Variants in MB21D2 observed in about 807,000 individuals in gnomAD.
MB21D2 encodes the protein Mab-21 domain containing 2.
MB21D2 carries 9 observed loss-of-function variants against 33.3 expected under a neutral mutation model. The ratio of observed to expected loss-of-function variants is 0.27; its 90% CI spans 0.16 to 0.47. The LOEUF is 0.47. Among genes scored for constraint, MB21D2 ranks in the 20% least tolerant of loss-of-function variants. The pLI is 0.99. For missense variants in MB21D2, 540 were observed against 624.6 expected (o/e 0.86, Z 1.44); for synonymous variants, 241 against 236.3 (o/e 1.02, Z -0.18).
At chr3:192,815,134 G>A (rs1711892436) in intron 1 of MB21D2, among the ~76,000 whole-genome samples, 1 of 152,134 alleles carries the variant, frequency 6.6e-6, no homozygotes, top group Non-Finnish European at 1.5e-5. Context: ...GCTAAGTCTT[G>A]GTCTCCAGAG....
At chr3:192,858,293 C>G (rs1300243325) in intron 1 of MB21D2, among the ~76,000 whole-genome samples, 1 of 152,188 alleles carries the variant, frequency 6.6e-6, no homozygotes, top group African/African-American at 2.4e-5. Flanking sequence ...CCAGCTATCT[C>G]CTGCCCCTCA....
intron 1 of MB21D2, among the ~76,000 whole-genome samples, chr3:192,848,253 G>T (rs536456790): frequency 2.0e-5 from 3 of 152,266 alleles, no homozygotes; most frequent in African/African-American, 7.2e-5. Context: ...TGCCTACTCT[G>T]CTTTTTAATT....
intron 1 of MB21D2, among the ~76,000 whole-genome samples, chr3:192,885,563 A>G (rs1209186341): frequency 6.6e-6 from 1 of 152,100 alleles, no homozygotes. Flanking sequence ...TAAACACACA[A>G]CAGTCCTCTA....
At chr3:192,850,054 G>C (rs999334599) in intron 1 of MB21D2, among the ~76,000 whole-genome samples, 7 of 151,986 alleles carry the variant, frequency 4.6e-5, no homozygotes, top group African/African-American at 1.7e-4. Context: ...GAGTAGCTGG[G>C]ACTACTGGCG....
intron 1 of MB21D2, among the ~76,000 whole-genome samples, chr3:192,840,870 G>A (rs982399827): frequency 1.4e-4 from 21 of 152,196 alleles, no homozygotes; most frequent in African/African-American, 4.8e-4. Flanking sequence ...ATCATTGGGA[G>A]CTTCCAAGTT....
At chr3:192,857,455 A>G (rs963153452) in intron 1 of MB21D2, among the ~76,000 whole-genome samples, 1 of 152,234 alleles carries the variant, frequency 6.6e-6, no homozygotes, top group Non-Finnish European at 1.5e-5. Flanking sequence ...ATTTCTAAAC[A>G]GGCATCTCCA....
At position 192,853,648 on chromosome 3, in the gene MB21D2, G is replaced by GT. The variant is rs75204492; in HGVS notation, c.212-53999dup. On this transcript the variant is annotated intron_variant, in intron 1 of 1. Transcript: ENST00000392452. ...ACATTTCTGGTGTTTTTGGTGTTTT[G>GT]TTTTTTTTTTTATTCTCAAAAGACT... Among the ~76,000 whole-genome samples the GT allele has an allele frequency of 2.9e-3, 416 of 145,852 alleles. 1 individual carries two copies. Among genetic ancestry groups the GT allele is most frequent in the Middle Eastern group, 3.5e-3 (1 of 286 alleles).
intron 1 of MB21D2, among the ~76,000 whole-genome samples, chr3:192,894,189 C>T (rs566077118): frequency 1.7e-3 from 252 of 152,010 alleles, no homozygotes; most frequent in Non-Finnish European, 2.6e-3. Context: ...AGTGCAGTGG[C>T]GCAATCTGGA....
At chr3:192,803,358 C>T (rs759328262) in intron 1 of MB21D2, among the ~76,000 whole-genome samples, 11 of 152,108 alleles carry the variant, frequency 7.2e-5, no homozygotes, top group Non-Finnish European at 1.5e-4. Flanking sequence ...TTGAACACTT[C>T]TTATTCCTTT....
rs1302288432 is a variant in MB21D2 at position 192,877,037 on chromosome 3, G to A, written c.211+40593C>T. The stretch of plus-strand genomic sequence containing the variant: ...AGTGAGTAATTAATACAGGCTTATG[G>A]GTGGAATGTATGAAAGAGAAGGAGA... On this transcript the variant is annotated intron_variant, in intron 1 of 1. Transcript: ENST00000392452. 1.3e-5 allele frequency among the ~76,000 whole-genome samples: 2 copies of A among 152,114 alleles called. 1 individual carries two copies. Among genetic ancestry groups the A allele is most frequent in the Non-Finnish European group, 2.9e-5 (2 of 68,028 alleles).
chr3:192,835,757 A>C (rs1312036201), intron 1 of MB21D2, among the ~76,000 whole-genome samples: 12 of 152,032 alleles, frequency 7.9e-5, no homozygotes. Context: ...AACTCTGCCA[A>C]CTTACAGATT....
chr3:192,827,491 G>A (rs1202236716), intron 1 of MB21D2, among the ~76,000 whole-genome samples: 1 of 152,084 alleles, frequency 6.6e-6, no homozygotes, highest in Non-Finnish European at 1.5e-5. Context: ...GAAGTCTATT[G>A]AAGCTGGAGA....
intron 1 of MB21D2, among the ~76,000 whole-genome samples, chr3:192,820,195 C>A (rs1050599208): frequency 6.6e-6 from 1 of 151,970 alleles, no homozygotes; most frequent in Non-Finnish European, 1.5e-5. Flanking sequence ...AAAGTACACA[C>A]CCCCCAGAAA....
intron 1 of MB21D2, among the ~76,000 whole-genome samples, chr3:192,826,992 C>T (rs1712186701): frequency 6.6e-6 from 1 of 151,778 alleles, no homozygotes; most frequent in Non-Finnish European, 1.5e-5. Context: ...CCCAGGTTCA[C>T]ACCATTCTCC....
At position 192,917,727 on chromosome 3, in the gene MB21D2, T is replaced by C. The variant is rs780554816; in HGVS notation, c.114A>G (p.Lys38=). Residue 38 remains lysine (K), a synonymous_variant, in exon 1 of 2, where the codon AAA becomes AAG. Transcript: ENST00000392452. ...CGTGCTTCGTAAATTCTTGGATGAG[T>C]TTGTTCAATTCCTCCACCCGAGCTC... ...RSGARVEELN[K]LIQEFTKHDQ... is the part of the protein sequence containing the mutation. 2 of 1,613,990 alleles carry C rather than the reference T, an allele frequency of 1.2e-6. No homozygotes were observed. The highest frequency in any genetic ancestry group is 1.1e-5 in the South Asian group (1 of 91,062).
At chr3:192,916,499 A>C (rs565232506) in intron 1 of MB21D2, among the ~76,000 whole-genome samples, 1 of 152,266 alleles carries the variant, frequency 6.6e-6, no homozygotes, top group African/African-American at 2.4e-5. Context: ...TGGCTTATCT[A>C]TTTGTAGAGA....
intron 1 of MB21D2, among the ~76,000 whole-genome samples, chr3:192,901,118 G>A (rs1162587969): frequency 2.0e-5 from 3 of 152,092 alleles, no homozygotes; most frequent in African/African-American, 7.2e-5. Flanking sequence ...TGGAGCCAGG[G>A]TTGGTTGGTC....
intron 1 of MB21D2, among the ~76,000 whole-genome samples, chr3:192,829,468 C>CTTGTACCATTCT (rs1447816672): frequency 1.3e-5 from 2 of 152,136 alleles, no homozygotes; most frequent in African/African-American, 4.8e-5. Context: ...TTAAAAAATG[C>CTTGTACCATTCT]TTGTACCATT....
At chr3:192,844,145 C>A (rs1298534909) in intron 1 of MB21D2, among the ~76,000 whole-genome samples, 1 of 152,246 alleles carries the variant, frequency 6.6e-6, no homozygotes, top group Non-Finnish European at 1.5e-5. Context: ...GGTGCCGCAG[C>A]CTCGCCAGCC....
Sources: gnomAD v4.1 joint callset for allele counts (sites outside exome capture counted in the v4.1 genomes callset) on GRCh38, gnomAD v4.1.1 for gene constraint, MANE v1.5 for transcripts, NCBI Gene and HGNC (gene_info 2026-07-23, HGNC 2026-07-21) for gene names.